Variants in LIN7A observed in about 807,000 individuals in gnomAD.
LIN7A encodes the protein protein lin-7 homolog A.
LIN7A carries 25 observed loss-of-function variants against 29.8 expected under a neutral mutation model. That is an observed-to-expected ratio of 0.84 (90% confidence interval 0.61 to 1.17). The LOEUF is 1.17. Ranked by LOEUF, LIN7A falls within the 50% of genes most tolerant of loss-of-function variation. The pLI, the probability that LIN7A is intolerant of heterozygous loss-of-function variation, is 0.00. For missense variants in LIN7A, 239 were observed against 287.0 expected (o/e 0.83, Z 1.21); for synonymous variants, 118 against 107.5 (o/e 1.10, Z -0.60).
chr12:80,914,795 T>A (rs1219935264), intron 1 of LIN7A, among the ~76,000 whole-genome samples: 1 of 152,074 alleles, frequency 6.6e-6, no homozygotes, highest in Non-Finnish European at 1.5e-5. Context: ...AATCTCAGCA[T>A]ATTGGGAGGC....
At chr12:80,916,921 G>A (rs1208174468) in intron 1 of LIN7A, among the ~76,000 whole-genome samples, 1 of 152,136 alleles carries the variant, frequency 6.6e-6, no homozygotes, top group Non-Finnish European at 1.5e-5. Flanking sequence ...AATGTACCAG[G>A]CTGTGTTCTA....
At chr12:80,821,649 A>T (rs1176210367) in intron 4 of LIN7A, among the ~76,000 whole-genome samples, 1 of 152,116 alleles carries the variant, frequency 6.6e-6, no homozygotes, top group Non-Finnish European at 1.5e-5. Flanking sequence ...ACAGTGGGGG[A>T]GGTGCTGCAG....
intron 2 of LIN7A, among the ~76,000 whole-genome samples, chr12:80,887,379 A>C (rs1875383787): frequency 6.6e-6 from 1 of 152,146 alleles, no homozygotes; most frequent in Non-Finnish European, 1.5e-5. Context: ...AGAAAATAAA[A>C]TCAGGTCAGA....
At chr12:80,908,006 G>C (rs993475422) in intron 1 of LIN7A, among the ~76,000 whole-genome samples, 1 of 151,990 alleles carries the variant, frequency 6.6e-6, no homozygotes, top group Non-Finnish European at 1.5e-5. Flanking sequence ...CCAAAACCAA[G>C]TAAGATAAAG....
chr12:80,812,129 C>T (rs1871320777), intron 4 of LIN7A, among the ~76,000 whole-genome samples: 1 of 152,070 alleles, frequency 6.6e-6, no homozygotes, highest in Non-Finnish European at 1.5e-5. Flanking sequence ...GATAGTAGAA[C>T]ATAGCACAGA....
chr12:80,813,814 T>A (rs2121514244), intron 4 of LIN7A, among the ~76,000 whole-genome samples: 1 of 152,198 alleles, frequency 6.6e-6, no homozygotes, highest in South Asian at 2.1e-4. Flanking sequence ...ACAGAACCCT[T>A]AATTTACAGG....
At chr12:80,871,336 T>C (rs1874417920) in intron 2 of LIN7A, among the ~76,000 whole-genome samples, 1 of 152,196 alleles carries the variant, frequency 6.6e-6, no homozygotes, top group Non-Finnish European at 1.5e-5. Context: ...AATAACTTGT[T>C]ACATTAAAAT....
At chr12:80,921,463 C>T (rs369267597) in intron 1 of LIN7A, among the ~76,000 whole-genome samples, 6 of 79,832 alleles carry the variant, frequency 7.5e-5, no homozygotes, top group African/African-American at 1.2e-4. Flanking sequence ...TTCTACCTGA[C>T]GAGGGTCTTC....
At chr12:80,923,821 G>A (rs976680530) in intron 1 of LIN7A, among the ~76,000 whole-genome samples, 1 of 152,164 alleles carries the variant, frequency 6.6e-6, no homozygotes. Context: ...CAACCAGACC[G>A]AGCTCCATTC....
At position 80,823,756 on chromosome 12, in the gene LIN7A, T is replaced by C. The variant is rs116872011; in HGVS notation, c.484-12073A>G. 4.4e-3 allele frequency among the ~76,000 whole-genome samples: 666 copies of C among 152,336 alleles called. 2 individuals are homozygous for C. The highest frequency in any genetic ancestry group is 0.027 in the Middle Eastern group (8 of 294). ...GATTCTGTGACACATGGAAATTAAA[T>C]AATCTGCTTCTGAACGATTGTTGGG... On this transcript the variant is annotated intron_variant, in intron 4 of 5. Coordinates refer to ENST00000552864, the MANE Select transcript of LIN7A (RefSeq NM_004664.4).
intron 1 of LIN7A, among the ~76,000 whole-genome samples, chr12:80,926,651 C>T (rs1237761338): frequency 6.6e-6 from 1 of 152,118 alleles, no homozygotes; most frequent in African/African-American, 2.4e-5. Context: ...TTCACTCTCT[C>T]ACCTCTAAAT....
intron 2 of LIN7A, among the ~76,000 whole-genome samples, chr12:80,881,628 G>C (rs916491000): frequency 3.2e-5 from 1 of 31,538 alleles, no homozygotes; most frequent in Admixed American, 5.8e-4. Flanking sequence ...ATAAAGCTAA[G>C]TTATATATAT....
intron 2 of LIN7A, among the ~76,000 whole-genome samples, chr12:80,856,110 A>C (rs1465191760): frequency 6.6e-6 from 1 of 152,160 alleles, no homozygotes; most frequent in Non-Finnish European, 1.5e-5. Flanking sequence ...AAAAAGAAAA[A>C]AGAAAAATTA....
At chr12:80,798,202 C>T (rs1232724367) in intron 5 of LIN7A, among the ~76,000 whole-genome samples, 1 of 152,156 alleles carries the variant, frequency 6.6e-6, no homozygotes, top group Admixed American at 6.5e-5. Context: ...CCTGACACCA[C>T]ATGAAACAGA....
In LIN7A at chr12:80,937,641, C is replaced by T; in HGVS notation, c.82G>A (p.Asp28Asn). 1 of 1,540,054 alleles carries T rather than the reference C, an allele frequency of 6.5e-7. No individual in the cohort carries two copies. Among genetic ancestry groups the T allele is most frequent in the South Asian group, 1.2e-5 (1 of 82,416 alleles). ...CCTGGCGAGCGAGCCGCTCCCTTAC[C>T]TCTGTCCAGGGTGAGCGGCTGGACC... ...TVVQPLTLDRDVARAIELLEK... is the reference protein window; with the variant it reads ...TVVQPLTLDRNVARAIELLEK... Residue 28 changes from aspartate to asparagine, a missense_variant and splice_region_variant, in exon 1 of 6, where the codon GAT becomes AAT. Asp to Asn is a conservative substitution (Grantham distance 23). Transcript: ENST00000552864.
chr12:80,914,401 C>T (rs1203565015), intron 1 of LIN7A, among the ~76,000 whole-genome samples: 1 of 152,172 alleles, frequency 6.6e-6, no homozygotes, highest in East Asian at 1.9e-4. Context: ...CCAATAAACT[C>T]TCTCAGAGTA....
Position 80,796,345 on chromosome 12 carries a change from C to T in LIN7A, c.*1382G>A, listed in dbSNP as rs1241412863. 6.6e-6 allele frequency: 1 copy of T among 152,094 alleles called. No individual in the cohort carries two copies. The highest frequency in any genetic ancestry group is 2.4e-5 in the African/African-American group (1 of 41,420). The allele number at this position is 152,094 out of a possible 1,614,324, so 9.4% of individuals were successfully genotyped here. On this transcript the variant is annotated 3_prime_UTR_variant, in exon 6 of 6. Transcript: ENST00000552864. ...TGCTTAAGGTATTCAAATGCCCAAA[C>T]AATTATTGCTTCCTATTTATTTCAT...
intron 2 of LIN7A, among the ~76,000 whole-genome samples, chr12:80,885,108 T>C (rs1268860438): frequency 6.6e-6 from 1 of 152,178 alleles, no homozygotes; most frequent in Non-Finnish European, 1.5e-5. Flanking sequence ...CATTTATTGA[T>C]TTCTTTCTCT....
At chr12:80,834,009 A>G (rs1872499409) in intron 4 of LIN7A, among the ~76,000 whole-genome samples, 2 of 151,844 alleles carry the variant, frequency 1.3e-5, no homozygotes, top group Admixed American at 1.3e-4. Flanking sequence ...AAATTTAACC[A>G]CTCCTACTTC....
Sources: gnomAD v4.1 joint callset for allele counts (sites outside exome capture counted in the v4.1 genomes callset) on GRCh38, gnomAD v4.1.1 for gene constraint, MANE v1.5 for transcripts, NCBI Gene and HGNC (gene_info 2026-07-23, HGNC 2026-07-21) for gene names.